Variants in ARHGAP6 observed in about 807,000 individuals in gnomAD.
The protein encoded by ARHGAP6 is Rho GTPase activating protein 6, also known as rho GTPase-activating protein 6.
ARHGAP6 carries 16 observed loss-of-function variants against 55.7 expected under a neutral mutation model. The ratio of observed to expected loss-of-function variants is 0.29; its 90% CI spans 0.19 to 0.44. The LOEUF (loss-of-function observed/expected upper bound fraction) is 0.44. Among genes scored for constraint, ARHGAP6 ranks in the 20% least tolerant of loss-of-function variants. The pLI is 1.00. For missense variants in ARHGAP6, 698 were observed against 808.9 expected, an observed-to-expected ratio of 0.86 and a Z score of 1.66; for synonymous variants, 382 against 360.9, an observed-to-expected ratio of 1.06 and a Z score of -0.66.
At chrX:11,207,219 G>A (rs371441720) in intron 2 of ARHGAP6, among the ~76,000 whole-genome samples, 1 of 108,580 alleles carries the variant, frequency 9.2e-6, no homozygotes. Flanking sequence ...TTAGATATGG[G>A]GGTCTCACTA....
chrX:11,424,802 G>C (rs1450219610), intron 1 of ARHGAP6, among the ~76,000 whole-genome samples: 1 of 112,518 alleles, frequency 8.9e-6, no homozygotes, highest in Non-Finnish European at 1.9e-5. Flanking sequence ...TTTTTGAGGA[G>C]AACATTAGCT....
intron 2 of ARHGAP6, among the ~76,000 whole-genome samples, chrX:11,253,637 C>G (rs1160379956): frequency 2.7e-5 from 3 of 112,088 alleles, no homozygotes; most frequent in East Asian, 5.6e-4. Context: ...TGCAGTGGCT[C>G]ACGCCTGTAA....
At chrX:11,498,876 C>A (rs966750276) in intron 1 of ARHGAP6, among the ~76,000 whole-genome samples, 1 of 112,053 alleles carries the variant, frequency 8.9e-6, no homozygotes, top group African/African-American at 3.2e-5. Context: ...GGTAAAAGAG[C>A]AATATCTGGA....
intron 1 of ARHGAP6, among the ~76,000 whole-genome samples, chrX:11,585,642 A>T (rs1261697065): frequency 9.8e-5 from 11 of 112,291 alleles, no homozygotes; most frequent in African/African-American, 3.6e-4. Context: ...TTTTCTTGGA[A>T]ATTTAAGTTC....
chrX:11,499,765 G>A (rs1276531982), intron 1 of ARHGAP6, among the ~76,000 whole-genome samples: 1 of 111,984 alleles, frequency 8.9e-6, no homozygotes, highest in Non-Finnish European at 1.9e-5. Flanking sequence ...GCCTCTCCCA[G>A]GCACTGCTGG....
intron 1 of ARHGAP6, among the ~76,000 whole-genome samples, chrX:11,309,314 G>A (rs186701990): frequency 7.2e-4 from 80 of 111,244 alleles, no homozygotes; most frequent in African/African-American, 2.6e-3. Context: ...TACTCCCCAC[G>A]CAGAGCCCCT....
At chrX:11,590,197 A>T (rs1310514050) in intron 1 of ARHGAP6, among the ~76,000 whole-genome samples, 2 of 111,923 alleles carry the variant, frequency 1.8e-5, no homozygotes, top group African/African-American at 6.5e-5. Flanking sequence ...CTCAGATTTG[A>T]GAAAGATTTA....
intron 1 of ARHGAP6, among the ~76,000 whole-genome samples, chrX:11,652,724 T>C (rs2052598217): frequency 1.8e-5 from 2 of 111,490 alleles, no homozygotes; most frequent in African/African-American, 6.5e-5. Flanking sequence ...CACAGTTCCA[T>C]GGAGAATTTT....
At chrX:11,287,191 G>C (rs1444390946) in intron 1 of ARHGAP6, among the ~76,000 whole-genome samples, 1 of 112,117 alleles carries the variant, frequency 8.9e-6, no homozygotes, top group East Asian at 2.8e-4. Flanking sequence ...GGTTTCTCTG[G>C]AGAATATTCT....
intron 6 of ARHGAP6, 47 bp downstream of exon 6, chrX:11,182,016 A>C (rs2046320659): frequency 1.9e-6 from 2 of 1,067,075 alleles, no homozygotes; most frequent in African/African-American, 3.6e-5. Context: ...AAGGTAATTC[A>C]ATTGAAAGTC....
At chrX:11,381,702 G>A (rs745406365) in intron 1 of ARHGAP6, among the ~76,000 whole-genome samples, 1 of 112,174 alleles carries the variant, frequency 8.9e-6, no homozygotes, top group East Asian at 2.8e-4. Flanking sequence ...TCAGACGTGC[G>A]TTACAGAGGC....
intron 3 of ARHGAP6, among the ~76,000 whole-genome samples, chrX:11,194,086 A>G (rs767217774): frequency 1.8e-5 from 2 of 112,733 alleles, no homozygotes; most frequent in African/African-American, 6.4e-5. Context: ...TCCCTTTAAT[A>G]TGCTCTATAC....
At chrX:11,617,082 C>G (rs763424748) in intron 1 of ARHGAP6, among the ~76,000 whole-genome samples, 23 of 112,124 alleles carry the variant, frequency 2.1e-4, no homozygotes, top group South Asian at 1.9e-3. Flanking sequence ...TGAAATGTGT[C>G]TAATCCATAT....
At chrX:11,407,817 A>G (rs1224210745) in intron 1 of ARHGAP6, among the ~76,000 whole-genome samples, 1 of 111,417 alleles carries the variant, frequency 9.0e-6, no homozygotes, top group African/African-American at 3.3e-5. Context: ...GGCCATTTGG[A>G]GTTGAACGGG....
At chrX:11,310,299 C>T (rs2048285907) in intron 1 of ARHGAP6, among the ~76,000 whole-genome samples, 1 of 109,175 alleles carries the variant, frequency 9.2e-6, no homozygotes, top group Non-Finnish European at 1.9e-5. Flanking sequence ...ATACATTTGC[C>T]ATTATACTCA....
intron 1 of ARHGAP6, among the ~76,000 whole-genome samples, chrX:11,461,700 C>T (rs1304060133): frequency 8.9e-6 from 1 of 112,353 alleles, no homozygotes; most frequent in African/African-American, 3.2e-5. Context: ...ATGAAGCAAA[C>T]ATTATCTTGT....
At chrX:11,377,241 G>C (rs773930468) in intron 1 of ARHGAP6, among the ~76,000 whole-genome samples, 1 of 112,242 alleles carries the variant, frequency 8.9e-6, no homozygotes, top group African/African-American at 3.2e-5. Flanking sequence ...CCAAAGTTTT[G>C]TGTTAATTTA....
chrX:11,326,700 G>A (rs988669468), intron 1 of ARHGAP6, among the ~76,000 whole-genome samples: 2 of 111,331 alleles, frequency 1.8e-5, no homozygotes, highest in Non-Finnish European at 3.8e-5. Context: ...TGCTTAGGAG[G>A]CACTATTAAA....
At chrX:11,343,060 T>C (rs1375938646) in intron 1 of ARHGAP6, among the ~76,000 whole-genome samples, 1 of 112,577 alleles carries the variant, frequency 8.9e-6, no homozygotes, top group Non-Finnish European at 1.9e-5. Context: ...AGAGAGGCAA[T>C]ACACTTCAAT....
Sources: allele counts gnomAD v4.1 joint callset (sites outside exome capture counted in the v4.1 genomes callset), GRCh38; gene constraint gnomAD v4.1.1; transcripts MANE v1.5; gene names NCBI Gene and HGNC (gene_info 2026-07-23, HGNC 2026-07-21).